DIAPH2: variants seen among roughly 807,000 people sequenced by gnomAD.
DIAPH2 encodes the protein protein diaphanous homolog 2.
Under a neutral mutation model 92.7 loss-of-function variants are expected in DIAPH2, and 35 were observed. That is an observed-to-expected ratio of 0.38 (90% CI 0.29 to 0.50). The LOEUF is 0.50. Ranked by LOEUF, DIAPH2 falls within the 20% of genes least tolerant of loss-of-function variation. The pLI, the probability that DIAPH2 is intolerant of heterozygous loss-of-function variation, is 0.94. For missense variants in DIAPH2, 701 were observed against 819.5 expected, an observed-to-expected ratio of 0.86 and a Z score of 1.77; for synonymous variants, 301 against 280.4, an observed-to-expected ratio of 1.07 and a Z score of -0.73.
intron 17 of DIAPH2, among the ~76,000 whole-genome samples, chrX:97,031,302 A>G: frequency 1.0e-5 from 1 of 100,345 alleles, no homozygotes; most frequent in Non-Finnish European, 2.0e-5. Flanking sequence ...GCAAAATGAT[A>G]AAATTTTGAG....
At chrX:97,443,589 C>T (rs1021506039) in intron 26 of DIAPH2, among the ~76,000 whole-genome samples, 97 of 111,911 alleles carry the variant, frequency 8.7e-4, no homozygotes, top group African/African-American at 3.0e-3. Flanking sequence ...AAATTGTATT[C>T]TACATCACTG....
Position 97,125,801 on chromosome X carries a change from A to G in DIAPH2, c.2589+10836A>G, listed in dbSNP as rs148118143. On this transcript the variant is annotated intron_variant, in intron 21 of 26. Transcript: ENST00000324765. ...TATACTTGTTGAAGTCGTTGTGACT[A>G]AACAATAATAGATACAGTTAATGGT... Among the ~76,000 whole-genome samples the G allele has an allele frequency of 3.9e-3, 441 of 112,469 alleles. 1 individual carries two copies. Among genetic ancestry groups the G allele is most frequent in the African/African-American group, 0.014 (429 of 31,039 alleles).
At chrX:97,045,051 C>T (rs188094118) in intron 17 of DIAPH2, among the ~76,000 whole-genome samples, 2 of 112,087 alleles carry the variant, frequency 1.8e-5, no homozygotes, top group Admixed American at 9.5e-5. Context: ...TCCTGGGTTT[C>T]CTCCCTCACT....
chrX:96,735,682 ATTATT>A (rs1390996853), intron 1 of DIAPH2, 71 bp from the exon 2 acceptor site: 6 of 577,120 alleles, frequency 1.0e-5, no homozygotes, highest in Admixed American at 3.5e-5. Context: ...AAATTATTAA[ATTATT>A]TTATTGTTTG....
At chrX:97,360,187 C>A (rs750859666) in intron 24 of DIAPH2, among the ~76,000 whole-genome samples, 19 of 111,454 alleles carry the variant, frequency 1.7e-4, no homozygotes, top group Non-Finnish European at 3.4e-4. Context: ...TAATCAGGCA[C>A]AAAAGAGCCA....
At chrX:96,901,798 G>C (rs1461580119) in intron 5 of DIAPH2, among the ~76,000 whole-genome samples, 1 of 110,451 alleles carries the variant, frequency 9.1e-6, no homozygotes, top group Non-Finnish European at 1.9e-5. Context: ...GCCTCCGAAA[G>C]TTCTGGGATT....
intron 24 of DIAPH2, among the ~76,000 whole-genome samples, chrX:97,363,054 AAATT>A (rs1472550931): frequency 1.8e-5 from 2 of 112,606 alleles, no homozygotes; most frequent in Non-Finnish European, 3.7e-5. Flanking sequence ...GAAGAAATAA[AAATT>A]AATTCTGTCC....
At chrX:97,160,313 C>G (rs1339942668) in intron 22 of DIAPH2, among the ~76,000 whole-genome samples, 3 of 111,858 alleles carry the variant, frequency 2.7e-5, no homozygotes, top group African/African-American at 9.8e-5. Context: ...GAGATTTTAT[C>G]TATAGAACCG....
chrX:97,371,516 T>C (rs1419961654), intron 24 of DIAPH2, among the ~76,000 whole-genome samples: 2 of 111,534 alleles, frequency 1.8e-5, no homozygotes, highest in Non-Finnish European at 1.9e-5. Flanking sequence ...AAATATTTCC[T>C]TTTTGAGGAG....
intron 1 of DIAPH2, among the ~76,000 whole-genome samples, chrX:96,704,433 AC>A (rs1457290763): frequency 9.0e-6 from 1 of 111,397 alleles, no homozygotes; most frequent in Non-Finnish European, 1.9e-5. Context: ...CCCCCTTGCT[AC>A]TGATGTTGCC....
chrX:97,036,382 A>G (rs750899704), intron 17 of DIAPH2, among the ~76,000 whole-genome samples: 1 of 112,502 alleles, frequency 8.9e-6, no homozygotes, highest in East Asian at 2.8e-4. Context: ...AAATTCAGTA[A>G]TTCAGAGATG....
intron 17 of DIAPH2, among the ~76,000 whole-genome samples, chrX:97,001,142 C>T (rs1259971833): frequency 8.9e-6 from 1 of 111,811 alleles, no homozygotes; most frequent in Non-Finnish European, 1.9e-5. Context: ...TTGGTGTCCT[C>T]AACCTGTTTC....
chrX:97,296,661 A>G (rs1345514183), intron 23 of DIAPH2, among the ~76,000 whole-genome samples: 1 of 112,236 alleles, frequency 8.9e-6, no homozygotes, highest in Non-Finnish European at 1.9e-5. Context: ...TTGAATATGA[A>G]ACTCTTTATG....
chrX:97,255,034 G>T (rs1051470924), intron 23 of DIAPH2, among the ~76,000 whole-genome samples: 2 of 111,524 alleles, frequency 1.8e-5, no homozygotes, highest in African/African-American at 6.5e-5. Context: ...ATAAAATTGA[G>T]GCTATAGAGG....
intron 10 of DIAPH2, among the ~76,000 whole-genome samples, chrX:96,934,062 T>A (rs768687308): frequency 9.0e-6 from 1 of 111,229 alleles, no homozygotes; most frequent in East Asian, 2.8e-4. Flanking sequence ...CAGATAGACC[T>A]TGAGAAGATT....
intron 23 of DIAPH2, among the ~76,000 whole-genome samples, chrX:97,249,386 A>T (rs1402932662): frequency 8.9e-6 from 1 of 112,288 alleles, no homozygotes; most frequent in Non-Finnish European, 1.9e-5. Context: ...TATGTTACAG[A>T]TGAATGGTTA....
chrX:96,985,843 C>A (rs1342144019), intron 17 of DIAPH2, among the ~76,000 whole-genome samples: 2 of 110,771 alleles, frequency 1.8e-5, no homozygotes, highest in Admixed American at 1.9e-4. Context: ...TAATGCTTTC[C>A]TAATAGTCTT....
At chrX:97,178,373 G>C (rs887271306) in intron 22 of DIAPH2, among the ~76,000 whole-genome samples, 30 of 107,903 alleles carry the variant, frequency 2.8e-4, no homozygotes, top group African/African-American at 9.8e-4. Context: ...AATTTTTAAA[G>C]ACTAGTATAC....
At chrX:96,786,820 A>G (rs1016133180) in intron 4 of DIAPH2, among the ~76,000 whole-genome samples, 1 of 112,124 alleles carries the variant, frequency 8.9e-6, no homozygotes, top group African/African-American at 3.2e-5. Context: ...CTATATAGGT[A>G]ATTGCTAGTA....
Sources: allele counts gnomAD v4.1 joint callset (sites outside exome capture counted in the v4.1 genomes callset), GRCh38; gene constraint gnomAD v4.1.1; transcripts MANE v1.5; gene names NCBI Gene and HGNC (gene_info 2026-07-23, HGNC 2026-07-21).